ERC1: variants seen among roughly 807,000 people sequenced by gnomAD.
ERC1 encodes the protein ELKS/RAB6-interacting/CAST family member 1.
A neutral mutation model predicts 132.0 loss-of-function variants in ERC1; 56 were observed. The ratio of observed to expected loss-of-function variants is 0.42; its 90% CI spans 0.34 to 0.53. The LOEUF (loss-of-function observed/expected upper bound fraction) is 0.53. Among genes scored for constraint, ERC1 ranks in the 20% least tolerant of loss-of-function variants. ERC1 has a pLI of 0.03. For synonymous variants in ERC1, 478 were observed against 476.1 expected (o/e 1.00, Z -0.05); for missense variants, 1,202 against 1,349.9 (o/e 0.89, Z 1.72).
intron 1 of ERC1, among the ~76,000 whole-genome samples, chr12:1,018,566 T>G (rs1965879258): frequency 6.6e-6 from 1 of 152,238 alleles, no homozygotes; most frequent in Non-Finnish European, 1.5e-5. Flanking sequence ...TTTCTTAACT[T>G]GAGGAAAATG....
chr12:1,069,395 G>C (rs560367103), intron 2 of ERC1, among the ~76,000 whole-genome samples: 1 of 152,252 alleles, frequency 6.6e-6, no homozygotes, highest in South Asian at 2.1e-4. Context: ...TTCTATTTCT[G>C]TGTCTTCTTG....
At chr12:1,330,192 A>T (rs1005375466) in intron 15 of ERC1, among the ~76,000 whole-genome samples, 1 of 152,226 alleles carries the variant, frequency 6.6e-6, no homozygotes, top group East Asian at 1.9e-4. Flanking sequence ...GTCAGATAGC[A>T]CAGAAAGGCC....
intron 3 of ERC1, among the ~76,000 whole-genome samples, chr12:1,104,220 T>A (rs995231502): frequency 6.6e-6 from 1 of 152,130 alleles, no homozygotes; most frequent in Non-Finnish European, 1.5e-5. Context: ...TCTTCCTAAC[T>A]GTAGCACCAC....
intron 14 of ERC1, among the ~76,000 whole-genome samples, chr12:1,280,174 A>G (rs984413889): frequency 1.3e-5 from 2 of 152,160 alleles, no homozygotes; most frequent in Non-Finnish European, 2.9e-5. Context: ...AAACCAAGTT[A>G]TTGATCATAG....
chr12:1,467,239 C>T (rs1235461559), intron 18 of ERC1, among the ~76,000 whole-genome samples: 1 of 152,190 alleles, frequency 6.6e-6, no homozygotes, highest in Admixed American at 6.5e-5. Flanking sequence ...CTCCGACCTG[C>T]GTGCCTGAAA....
At chr12:1,308,002 G>A (rs2081009916) in intron 15 of ERC1, among the ~76,000 whole-genome samples, 1 of 152,138 alleles carries the variant, frequency 6.6e-6, no homozygotes, top group Admixed American at 6.6e-5. Flanking sequence ...CAAAACATCA[G>A]GAGATAAACC....
rs2094351702 is a variant in ERC1 at position 1,495,785 on chromosome 12, G to T, written c.*5555G>T. The T allele has an allele frequency of 9.1e-6, 2 of 220,132 alleles. No individual in the cohort carries two copies. Among genetic ancestry groups the T allele is most frequent in the African/African-American group, 4.5e-5 (2 of 44,548 alleles). The allele number at this position is 220,132 out of a possible 1,614,324, so 13.6% of individuals were successfully genotyped here. A position where few individuals can be genotyped will look rare whatever the true frequency, so the allele number is the denominator to read the frequency against. ...GCTGTATGTGTGTGTTCCTGCTGGA[G>T]TTGTGTTACTGACAGGATAATGACA... On this transcript the variant is annotated 3_prime_UTR_variant, in exon 19 of 19. Coordinates refer to ENST00000360905, the MANE Select transcript of ERC1 (RefSeq NM_178040.4).
chr12:1,383,964 C>T (rs1284730684), intron 16 of ERC1, among the ~76,000 whole-genome samples: 2 of 152,126 alleles, frequency 1.3e-5, no homozygotes, highest in Non-Finnish European at 1.5e-5. Flanking sequence ...CCCTAAGTCC[C>T]GTAGCTCATA....
intron 12 of ERC1, among the ~76,000 whole-genome samples, chr12:1,200,678 C>T (rs1393975614): frequency 6.6e-6 from 1 of 152,140 alleles, no homozygotes; most frequent in African/African-American, 2.4e-5. Flanking sequence ...CCTGCCTCAC[C>T]CTCCTGAGTA....
intron 18 of ERC1, among the ~76,000 whole-genome samples, chr12:1,452,192 A>AT (rs144569330): frequency 6.9e-4 from 103 of 149,518 alleles, no homozygotes; most frequent in Non-Finnish European, 1.3e-3. Flanking sequence ...GTTGACAGGG[A>AT]TTTTTTTTTT....
chr12:1,203,095 T>C (rs902576862), intron 12 of ERC1, among the ~76,000 whole-genome samples: 1 of 152,240 alleles, frequency 6.6e-6, no homozygotes, highest in Non-Finnish European at 1.5e-5. Context: ...TCTTGCTCTG[T>C]TGCCCAGGCT....
intron 3 of ERC1, among the ~76,000 whole-genome samples, chr12:1,091,622 T>C (rs1943233069): frequency 6.6e-6 from 1 of 152,198 alleles, no homozygotes; most frequent in Non-Finnish European, 1.5e-5. Flanking sequence ...CCATGCTGTC[T>C]TTGAGAAAAA....
chr12:1,405,828 A>G (rs886664760), intron 16 of ERC1, among the ~76,000 whole-genome samples: 1 of 152,128 alleles, frequency 6.6e-6, no homozygotes, highest in Non-Finnish European at 1.5e-5. Flanking sequence ...AGACGGGGGG[A>G]TCACTTAAGG....
chr12:1,042,657 T>C (rs1028082200), intron 2 of ERC1, among the ~76,000 whole-genome samples: 1 of 152,128 alleles, frequency 6.6e-6, no homozygotes, highest in Non-Finnish European at 1.5e-5. Context: ...TAATTTTTTT[T>C]TTTTTAAACC....
At chr12:1,408,963 A>T (rs74480950) in intron 17 of ERC1, among the ~76,000 whole-genome samples, 32 of 152,244 alleles carry the variant, frequency 2.1e-4, no homozygotes, top group African/African-American at 7.0e-4. Flanking sequence ...TATCACACCC[A>T]GTCTTAAAAT....
chr12:1,467,060 T>C (rs1272306955), intron 18 of ERC1, among the ~76,000 whole-genome samples: 2 of 152,230 alleles, frequency 1.3e-5, no homozygotes, highest in Non-Finnish European at 2.9e-5. Flanking sequence ...GATCAGGTTG[T>C]GATTGATGGG....
chr12:1,242,484 A>C (rs2075872371), intron 13 of ERC1, among the ~76,000 whole-genome samples: 1 of 152,226 alleles, frequency 6.6e-6, no homozygotes, highest in Admixed American at 6.5e-5. Context: ...GTGGTAGATA[A>C]TAGAGAAGAA....
At chr12:1,389,103 G>T (rs2089707467) in intron 16 of ERC1, among the ~76,000 whole-genome samples, 1 of 152,168 alleles carries the variant, frequency 6.6e-6, no homozygotes, top group Non-Finnish European at 1.5e-5. Flanking sequence ...ACAGACCACT[G>T]GCCAGTCAGA....
intron 12 of ERC1, among the ~76,000 whole-genome samples, chr12:1,220,367 A>G (rs994969049): frequency 6.6e-6 from 1 of 152,178 alleles, no homozygotes; most frequent in African/African-American, 2.4e-5. Context: ...AACTCTTGGC[A>G]GGCATTCAGT....
Sources: gnomAD v4.1 joint callset for allele counts (sites outside exome capture counted in the v4.1 genomes callset) on GRCh38, gnomAD v4.1.1 for gene constraint, MANE v1.5 for transcripts, NCBI Gene and HGNC (gene_info 2026-07-23, HGNC 2026-07-21) for gene names.